COL5A2: variants seen among roughly 807,000 people sequenced by gnomAD.
COL5A2 encodes collagen type V alpha 2 chain.
A neutral mutation model predicts 208.2 loss-of-function variants in COL5A2; 23 were observed. The observed-to-expected ratio is 0.11, with a 90% CI of 0.08 to 0.16. The LOEUF (loss-of-function observed/expected upper bound fraction) is 0.16. Among genes scored for constraint, COL5A2 ranks in the 10% least tolerant of loss-of-function variants. The pLI, the probability that COL5A2 is intolerant of heterozygous loss-of-function variation, is 1.00. For missense variants in COL5A2, 1,590 were observed against 1,956.4 expected, an observed-to-expected ratio of 0.81 and a Z score of 3.53; for synonymous variants, 625 against 628.5, an observed-to-expected ratio of 0.99 and a Z score of 0.08.
intron 13 of COL5A2, among the ~76,000 whole-genome samples, chr2:189,080,682 T>C (rs2105636733): frequency 1.3e-5 from 2 of 152,284 alleles, no homozygotes; most frequent in South Asian, 4.1e-4. Context: ...GCCTACCTTT[T>C]CATCCGTATC....
At chr2:189,377,187 G>A in the COL5A2 span, among the ~76,000 whole-genome samples, 1 of 151,826 alleles carries the variant, frequency 6.6e-6, no homozygotes, top group African/African-American at 2.4e-5. Context: ...GGTATGGCTT[G>A]TCACATTCCC....
the COL5A2 span, among the ~76,000 whole-genome samples, chr2:189,327,586 A>T: frequency 6.6e-6 from 1 of 152,244 alleles, no homozygotes; most frequent in Non-Finnish European, 1.5e-5. Flanking sequence ...CTTTTGGTGC[A>T]TTAAATGAAA....
chr2:189,153,013 T>G (rs1489740329), intron 1 of COL5A2, among the ~76,000 whole-genome samples: 1 of 152,194 alleles, frequency 6.6e-6, no homozygotes, highest in South Asian at 2.1e-4. Context: ...CAAGGTTGGA[T>G]TTTTATTTTT....
chr2:189,358,248 C>A, the COL5A2 span, among the ~76,000 whole-genome samples: 3 of 151,592 alleles, frequency 2.0e-5, no homozygotes, highest in Non-Finnish European at 3.0e-5. Context: ...AAAAAAAAAT[C>A]ACTTCAAAAT....
At chr2:189,416,477 C>T in the COL5A2 span, among the ~76,000 whole-genome samples, 1,965 of 152,188 alleles carry the variant, frequency 0.013, 53 homozygotes, top group African/African-American at 0.044. Flanking sequence ...AACCAAACAC[C>T]GCATGTTCTC....
the COL5A2 span, among the ~76,000 whole-genome samples, chr2:189,234,097 G>A: frequency 7.3e-5 from 11 of 151,558 alleles, no homozygotes; most frequent in African/African-American, 2.7e-4. Flanking sequence ...AGTTCCACTA[G>A]TGTTTACCTT....
the COL5A2 span, among the ~76,000 whole-genome samples, chr2:189,268,168 A>C: frequency 5.3e-5 from 8 of 152,268 alleles, no homozygotes; most frequent in South Asian, 1.7e-3. Context: ...TTTAAAAGGA[A>C]GTTCTTCATT....
chr2:189,313,997 G>A, the COL5A2 span, among the ~76,000 whole-genome samples: 2 of 152,042 alleles, frequency 1.3e-5, no homozygotes, highest in Non-Finnish European at 2.9e-5. Flanking sequence ...TAATAGTGGG[G>A]AACTTTAACA....
chr2:189,311,639 G>T, the COL5A2 span: 2 of 804,086 alleles, frequency 2.5e-6, no homozygotes, highest in Non-Finnish European at 4.2e-6. Flanking sequence ...CATCTCCAAG[G>T]ACTGGACTGT....
chr2:189,342,729 A>G, the COL5A2 span, among the ~76,000 whole-genome samples: 8 of 151,542 alleles, frequency 5.3e-5, no homozygotes, highest in South Asian at 6.2e-4. Flanking sequence ...TACGTCCACC[A>G]ATACCACTAT....
intron 11 of COL5A2, among the ~76,000 whole-genome samples, chr2:189,084,692 TCTTAA>T (rs1358970285): frequency 1.3e-5 from 2 of 150,432 alleles, no homozygotes; most frequent in Non-Finnish European, 3.0e-5. Context: ...TGGAGTTGGG[TCTTAA>T]CTTTAATTAA....
intron 1 of COL5A2, among the ~76,000 whole-genome samples, chr2:189,194,296 C>T (rs961993756): frequency 1.3e-5 from 2 of 152,134 alleles, no homozygotes; most frequent in Non-Finnish European, 2.9e-5. Flanking sequence ...GTAGCACATG[C>T]TTTTCTCTCA....
At chr2:189,233,206 C>A in the COL5A2 span, among the ~76,000 whole-genome samples, 4 of 151,668 alleles carry the variant, frequency 2.6e-5, no homozygotes, top group African/African-American at 7.2e-5. Context: ...CTGTTGGCAT[C>A]TGTGTCTTTT....
chr2:189,371,181 T>A, the COL5A2 span, among the ~76,000 whole-genome samples: 1 of 152,138 alleles, frequency 6.6e-6, no homozygotes, highest in African/African-American at 2.4e-5. Flanking sequence ...TCCTGAGACC[T>A]CACCAGGAGC....
the COL5A2 span, among the ~76,000 whole-genome samples, chr2:189,314,041 A>T: frequency 6.6e-6 from 1 of 152,196 alleles, no homozygotes; most frequent in Non-Finnish European, 1.5e-5. Context: ...TCATCAAGAC[A>T]GAAAATTAAC....
chr2:189,105,641 C>T (rs986977162), intron 2 of COL5A2, among the ~76,000 whole-genome samples: 1 of 151,172 alleles, frequency 6.6e-6, no homozygotes, highest in Admixed American at 6.6e-5. Context: ...TTCTACTTTG[C>T]TCATTTTTTG....
intron 1 of COL5A2, among the ~76,000 whole-genome samples, chr2:189,122,629 G>C (rs1687528489): frequency 6.6e-6 from 1 of 152,138 alleles, no homozygotes; most frequent in South Asian, 2.1e-4. Flanking sequence ...TTATTGGTTT[G>C]TTTGCATGTA....
intron 1 of COL5A2, among the ~76,000 whole-genome samples, chr2:189,111,518 T>C (rs535774707): frequency 6.6e-6 from 1 of 152,272 alleles, no homozygotes; most frequent in South Asian, 2.1e-4. Context: ...CAGGCCCACA[T>C]GGCTATCTAT....
chr2:189,285,566 C>T, the COL5A2 span, among the ~76,000 whole-genome samples: 1 of 152,066 alleles, frequency 6.6e-6, no homozygotes, highest in African/African-American at 2.4e-5. Flanking sequence ...GATGAAATAG[C>T]TGATTTCCAG....
Sources: gnomAD v4.1 joint callset for allele counts (sites outside exome capture counted in the v4.1 genomes callset) on GRCh38, gnomAD v4.1.1 for gene constraint, MANE v1.5 for transcripts, NCBI Gene and HGNC (gene_info 2026-07-23, HGNC 2026-07-21) for gene names.